TUT7: variants seen among roughly 807,000 people sequenced by gnomAD.
TUT7 encodes the protein terminal uridylyltransferase 7.
Under a neutral mutation model 165.9 loss-of-function variants are expected in TUT7, and 33 were observed. The ratio of observed to expected loss-of-function variants is 0.20; its 90% CI spans 0.15 to 0.27. The LOEUF (loss-of-function observed/expected upper bound fraction) is 0.27, where lower values mean the gene tolerates loss of function less well. Ranked by LOEUF, TUT7 falls within the 10% of genes least tolerant of loss-of-function variation. TUT7 has a pLI of 1.00. For synonymous variants in TUT7, 552 were observed against 608.1 expected (o/e 0.91, Z 1.36); for missense variants, 1,338 against 1,762.3 (o/e 0.76, Z 4.31).
chr9:86,338,795 T>C lies in TUT7; in HGVS notation c.1335+28A>G, dbSNP rs1453531276. ...ATACTGCTTATACATATGTAGAATG[T>C]ATTCATGCATAAAGACCTCAAGCCT... On this transcript the variant is annotated intron_variant, in intron 9 of 26. Coordinates refer to ENST00000375963, the MANE Select transcript of TUT7 (RefSeq NM_024617.4). 4.5e-6 allele frequency: 7 copies of C among 1,565,472 alleles called. No individual in the cohort carries two copies. The South Asian group carries it at 8.5e-5, about 19-fold the overall frequency.
At chr9:86,334,008 A>G (rs1479717629) in intron 10 of TUT7, among the ~76,000 whole-genome samples, 1 of 152,150 alleles carries the variant, frequency 6.6e-6, no homozygotes, top group African/African-American at 2.4e-5. Context: ...GAGAGGGGAA[A>G]CACTGTATAG....
chr9:86,308,778 A>G (rs1587885085), intron 21 of TUT7, among the ~76,000 whole-genome samples, 172 bp from the exon 22 acceptor site: 1 of 152,082 alleles, frequency 6.6e-6, no homozygotes, highest in East Asian at 1.9e-4. Context: ...ATTAATCTCT[A>G]CTCTGTGACT....
intron 7 of TUT7, among the ~76,000 whole-genome samples, chr9:86,340,657 G>T (rs1831246338): frequency 1.3e-5 from 2 of 152,034 alleles, no homozygotes; most frequent in Non-Finnish European, 2.9e-5. Context: ...ATTCACTGTT[G>T]GTAAAATACT....
chr9:86,328,151 G>A (rs1829967016), intron 11 of TUT7, among the ~76,000 whole-genome samples, 189 bp downstream of exon 11: 1 of 152,164 alleles, frequency 6.6e-6, no homozygotes, highest in South Asian at 2.1e-4. Context: ...ATAAATAACT[G>A]TGGATTTAGT....
chr9:86,304,602 A>G (rs1827280284), intron 24 of TUT7, among the ~76,000 whole-genome samples: 1 of 152,204 alleles, frequency 6.6e-6, no homozygotes, highest in Admixed American at 6.5e-5. Context: ...AACCAGAAAA[A>G]AAAAAGGCAT....
At chr9:86,334,863 T>A (rs577269240) in intron 10 of TUT7, among the ~76,000 whole-genome samples, 1 of 152,150 alleles carries the variant, frequency 6.6e-6, no homozygotes, top group African/African-American at 2.4e-5. Flanking sequence ...TAAATCAGAG[T>A]TGCCTTTAGG....
At chr9:86,321,336 G>C (rs897562110) in intron 14 of TUT7, among the ~76,000 whole-genome samples, 61 of 151,840 alleles carry the variant, frequency 4.0e-4, no homozygotes, top group African/African-American at 1.4e-3. Context: ...CAGCCTGGGT[G>C]ACAGAGCTAG....
Position 86,327,891 on chromosome 9 carries a change from G to A in TUT7, c.1608+449C>T, listed in dbSNP as rs927192082. Among the ~76,000 whole-genome samples the A allele has an allele frequency of 5.9e-5, 9 of 152,304 alleles. No individual in the cohort carries two copies. In the East Asian group the frequency reaches 7.7e-4, roughly 13 times the overall value. ...TTATTACTAGGATAATGACATTGCAGAGATTTTTGTTTGAAATTCTAATGG... is the reference window on the plus strand; with the variant it reads ...TTATTACTAGGATAATGACATTGCAAAGATTTTTGTTTGAAATTCTAATGG... On this transcript the variant is annotated intron_variant, in intron 11 of 26. Transcript: ENST00000375963.
intron 2 of TUT7, among the ~76,000 whole-genome samples, chr9:86,346,853 A>G (rs1831814251): frequency 6.6e-6 from 1 of 152,168 alleles, no homozygotes; most frequent in African/African-American, 2.4e-5. Flanking sequence ...CATATTGTAA[A>G]TATATCTTAC....
intron 26 of TUT7, among the ~76,000 whole-genome samples, chr9:86,294,317 A>G (rs1470980969): frequency 6.6e-6 from 1 of 151,886 alleles, no homozygotes; most frequent in Non-Finnish European, 1.5e-5. Context: ...GGAGAGGCAA[A>G]CAAAATGCTG....
intron 20 of TUT7, 57 bp downstream of exon 20, chr9:86,309,406 A>G (rs1554695553): frequency 1.3e-6 from 2 of 1,508,630 alleles, no homozygotes; most frequent in South Asian, 1.2e-5. Context: ...AGAGGAGGAG[A>G]AAGGCTCAGA....
Position 86,323,523 on chromosome 9 carries a change from G to A in TUT7, c.2227C>T (p.His743Tyr). 6.2e-7 allele frequency: 1 copy of A among 1,614,210 alleles called. No homozygotes were observed. Among genetic ancestry groups the A allele is most frequent in the Non-Finnish European group, 8.5e-7 (1 of 1,180,038 alleles). Residue 743 changes from histidine to tyrosine, a missense_variant, in exon 13 of 27, where the codon CAT becomes TAT. Transcript: ENST00000375963. ...TCGTTTTTCCTTCCTGTTTCTGGATGGTATACTTTATCACCCTTGTAATCA... is the reference window on the plus strand; with the variant it reads ...TCGTTTTTCCTTCCTGTTTCTGGATAGTATACTTTATCACCCTTGTAATCA... ...SDDYKGDKVY[H>Y]PETGRKNEKE...
chr9:86,346,799 A>G (rs1831808548), intron 2 of TUT7, among the ~76,000 whole-genome samples: 1 of 152,184 alleles, frequency 6.6e-6, no homozygotes, highest in Non-Finnish European at 1.5e-5. Flanking sequence ...TATACTCTGA[A>G]GGCAAGTATA....
chr9:86,322,266 G>C, intron 14 of TUT7, 59 bp downstream of exon 14: 1 of 1,511,226 alleles, frequency 6.6e-7, no homozygotes, highest in South Asian at 1.2e-5. Context: ...TGATTCTAAA[G>C]ACTCGAGTAA....
In TUT7 at chr9:86,338,947, C is replaced by T; in HGVS notation, c.1211G>A (p.Gly404Asp). The T allele has an allele frequency of 6.3e-7, 1 of 1,592,050 alleles. No homozygotes were observed. The part of the protein sequence containing the change: ...PVVVCREKQS[G>D]LLCKVSAGNE... ...TCCTGCGCTCACTTTACACAGAAGA[C>T]CACTGGTGAGAGGTGGGGGAGGAGG... is the stretch of plus-strand genomic sequence containing the variant. The change falls in exon 9 of 27, where the codon GGT becomes GAT. Residue 404 changes from glycine (G) to aspartate (D), a missense_variant and splice_region_variant. Transcript: ENST00000375963.
Position 86,323,161 on chromosome 9 carries a change from G to A in TUT7, c.2589C>T (p.Thr863=). Residue 863 remains threonine (T), a synonymous_variant, in exon 13 of 27, where the codon ACC becomes ACT. Transcript: ENST00000375963. ...EEEEEEEPRL[T]INQREDEDGM... ...CATCTTCATCTTCCCTTTGGTTAAT[G>A]GTGAGCCTAGGTTCTTCTTCCTCCT... 1.9e-6 allele frequency: 3 copies of A among 1,614,068 alleles called. No homozygotes were observed. The highest frequency in any genetic ancestry group is 2.2e-5 in the South Asian group (2 of 91,078).
intron 12 of TUT7, 130 bp from the exon 13 acceptor site, chr9:86,324,090 A>G: frequency 1.1e-6 from 1 of 894,638 alleles, no homozygotes; most frequent in Non-Finnish European, 1.6e-6. Flanking sequence ...TGCATTTTAT[A>G]GACTTAAAAA....
At chr9:86,292,878 C>A (rs966290676) in intron 26 of TUT7, among the ~76,000 whole-genome samples, 2 of 152,072 alleles carry the variant, frequency 1.3e-5, no homozygotes, top group Non-Finnish European at 2.9e-5. Flanking sequence ...AAATGTTAAA[C>A]CCTTTGGTAA....
intron 4 of TUT7, 89 bp downstream of exon 4, chr9:86,345,580 T>A (rs1451768526): frequency 2.2e-6 from 2 of 913,378 alleles, no homozygotes; most frequent in African/African-American, 3.3e-5. Flanking sequence ...GTTATCAATA[T>A]CATAGCCTTA....
Sources: allele counts gnomAD v4.1 joint callset (sites outside exome capture counted in the v4.1 genomes callset), GRCh38; gene constraint gnomAD v4.1.1; transcripts MANE v1.5; gene names NCBI Gene and HGNC (gene_info 2026-07-23, HGNC 2026-07-21).